NXN: variants seen among roughly 807,000 people sequenced by gnomAD.
NXN encodes nucleoredoxin.
In NXN, 16 loss-of-function variants were observed where a neutral mutation model predicts 48.6. The ratio of observed to expected loss-of-function variants is 0.33; its 90% CI spans 0.22 to 0.50. The LOEUF is 0.50. NXN is among the 20% of genes least tolerant of loss of function. NXN has a pLI of 0.98. For missense variants in NXN, 492 were observed against 605.5 expected (o/e 0.81, Z 1.97); for synonymous variants, 281 against 269.6 (o/e 1.04, Z -0.41).
intron 1 of NXN, among the ~76,000 whole-genome samples, chr17:851,336 C>G (rs1364457308): frequency 6.6e-6 from 1 of 152,278 alleles, no homozygotes; most frequent in African/African-American, 2.4e-5. Context: ...TGCCTGCTCC[C>G]AGGGGCAGCC....
intron 5 of NXN, among the ~76,000 whole-genome samples, chr17:813,414 G>A (rs1912281707): frequency 6.6e-6 from 1 of 152,250 alleles, no homozygotes; most frequent in Admixed American, 6.5e-5. Context: ...ACAAGGACAG[G>A]GCACCACAAA....
Position 979,610 on chromosome 17 carries a change from CA to C in NXN, c.68del (p.Val23GlyfsTer113), listed in dbSNP as rs2069514529. 6.8e-7 allele frequency: 1 copy of C among 1,463,336 alleles called. No individual in the cohort carries two copies. The highest frequency in any genetic ancestry group is 2.2e-5 in the Admixed American group (1 of 45,078). The allele number at this position is 1,463,336 out of a possible 1,614,324, so 90.6% of individuals were successfully genotyped here. On this transcript the variant is annotated frameshift_variant, in exon 1 of 8. Transcript: ENST00000336868. LOFTEE classifies it high-confidence loss of function. Reference sequence around the variant, plus strand: ...AGATGCCGCGGGCGCCCAGCGAGTGCACGTCCACCTCCTCGCCGCCGCCCGT... The same window carrying C: ...AGATGCCGCGGGCGCCCAGCGAGTGCCGTCCACCTCCTCGCCGCCGCCCGT... ...LVTGGGEEVD[V>X]HSLGARGISL...
At chr17:908,183 C>A (rs1203443359) in intron 1 of NXN, 2 of 152,172 alleles carry the variant, frequency 1.3e-5, no homozygotes, top group Non-Finnish European at 2.9e-5. Flanking sequence ...AAAGGAAGAA[C>A]AATTTCCTCA....
intron 1 of NXN, among the ~76,000 whole-genome samples, chr17:882,280 T>C (rs1467556122): frequency 7.2e-6 from 1 of 138,590 alleles, no homozygotes; most frequent in East Asian, 2.6e-4. Flanking sequence ...CATGGTTCCC[T>C]GTCTCCATGA....
chr17:855,632 G>T (rs1056800491), intron 1 of NXN, among the ~76,000 whole-genome samples: 2 of 152,192 alleles, frequency 1.3e-5, no homozygotes, highest in Non-Finnish European at 2.9e-5. Context: ...TACAGGCAAG[G>T]TCCCATCTGA....
intron 1 of NXN, among the ~76,000 whole-genome samples, chr17:938,400 G>A (rs925922892): frequency 2.6e-5 from 4 of 152,256 alleles, no homozygotes; most frequent in African/African-American, 7.2e-5. Flanking sequence ...TCCCCAGCCC[G>A]GCCGGGCGCG....
intron 1 of NXN, among the ~76,000 whole-genome samples, chr17:889,707 G>GAA (rs751766261): frequency 7.4e-5 from 3 of 40,698 alleles, no homozygotes; most frequent in African/African-American, 3.4e-4. Context: ...GAAAAAGAAA[G>GAA]AAAGAAAGAA....
At chr17:820,556 G>T (rs1270915119) in intron 4 of NXN, among the ~76,000 whole-genome samples, 1 of 133,350 alleles carries the variant, frequency 7.5e-6, no homozygotes, top group Non-Finnish European at 1.6e-5. Context: ...AGCTTGCAGT[G>T]AGCCGAGATC....
At chr17:939,853 T>C (rs2068950883) in intron 1 of NXN, among the ~76,000 whole-genome samples, 1 of 152,234 alleles carries the variant, frequency 6.6e-6, no homozygotes, top group Admixed American at 6.5e-5. Flanking sequence ...TATTACTTTT[T>C]AAAAAATATA....
chr17:820,250 T>G (rs1404118573), intron 4 of NXN, among the ~76,000 whole-genome samples: 1 of 152,170 alleles, frequency 6.6e-6, no homozygotes, highest in Non-Finnish European at 1.5e-5. Context: ...CTGAACTGTG[T>G]ACCTTAAATG....
At chr17:934,166 C>T (rs1468312275) in intron 1 of NXN, among the ~76,000 whole-genome samples, 1 of 151,930 alleles carries the variant, frequency 6.6e-6, no homozygotes, top group African/African-American at 2.4e-5. Context: ...CCCCGGGAGG[C>T]CGGGCGCGGT....
chr17:827,581 C>A (rs1015498374), intron 1 of NXN, among the ~76,000 whole-genome samples: 2 of 152,218 alleles, frequency 1.3e-5, no homozygotes, highest in Non-Finnish European at 2.9e-5. Flanking sequence ...CAGGATCACA[C>A]CACTGCACTC....
chr17:828,529 G>C (rs1273179252), intron 1 of NXN, among the ~76,000 whole-genome samples: 3 of 151,072 alleles, frequency 2.0e-5, no homozygotes, highest in Non-Finnish European at 4.4e-5. Context: ...AGCCTCCCGA[G>C]TAGCTGGGAT....
At chr17:806,164 G>A (rs1454068339) in intron 5 of NXN, among the ~76,000 whole-genome samples, 1 of 58,402 alleles carries the variant, frequency 1.7e-5, no homozygotes, top group South Asian at 6.6e-4. Flanking sequence ...TGCAGCCCCC[G>A]CCGTCTGCAC....
Position 958,981 on chromosome 17 carries a change from T to G in NXN, c.360+20338A>C. 1 of 190,992 alleles carries G rather than the reference T, an allele frequency of 5.2e-6. No homozygotes were observed. 11.8% of individuals were successfully genotyped at this position (190,992 alleles called of 1,614,324 possible). On this transcript the variant is annotated intron_variant, in intron 1 of 7. Coordinates refer to ENST00000336868, the MANE Select transcript of NXN (RefSeq NM_022463.5). The surrounding 1 kb of genome is among the most constrained non-coding windows in gnomAD (Gnocchi z 6.9). Reference sequence around the variant, plus strand: ...TACACACACACACACACGATACGAGTTCTTTCATCTTGCAAGAAAGAATCA... The same window carrying G: ...TACACACACACACACACGATACGAGGTCTTTCATCTTGCAAGAAAGAATCA...
intron 1 of NXN, among the ~76,000 whole-genome samples, chr17:865,162 G>T (rs918408907): frequency 2.6e-5 from 4 of 152,122 alleles, no homozygotes; most frequent in Admixed American, 1.3e-4. Context: ...AAGCGCATTG[G>T]GTGATATCCT....
intron 1 of NXN, among the ~76,000 whole-genome samples, chr17:947,189 C>T (rs1386745095): frequency 6.6e-6 from 1 of 152,162 alleles, no homozygotes; most frequent in Non-Finnish European, 1.5e-5. Context: ...AACCCACGTA[C>T]AGTAGTGGCT....
chr17:805,391 A>AG (rs757768789), intron 5 of NXN, 144 bp from the exon 6 acceptor site: 189 of 880,236 alleles, frequency 2.1e-4, no homozygotes, highest in Non-Finnish European at 3.1e-4. Flanking sequence ...TGAAGAGGCC[A>AG]GGTCTAAAGT....
chr17:928,680 A>G (rs935188577), intron 1 of NXN, among the ~76,000 whole-genome samples: 2 of 152,178 alleles, frequency 1.3e-5, no homozygotes, highest in African/African-American at 4.8e-5. Flanking sequence ...TACTAAAAAT[A>G]CAAAAATTAG....
Sources: allele counts gnomAD v4.1 joint callset (sites outside exome capture counted in the v4.1 genomes callset), GRCh38; gene constraint gnomAD v4.1.1; non-coding constraint Gnocchi (gnomAD v3.1); transcripts MANE v1.5; gene names NCBI Gene and HGNC (gene_info 2026-07-23, HGNC 2026-07-21).